Variants in ATP7B observed in about 807,000 individuals in gnomAD.
The protein encoded by ATP7B is copper-transporting ATPase 2.
Under a neutral mutation model 118.9 loss-of-function variants are expected in ATP7B, and 113 were observed. The observed-to-expected ratio is 0.95, with a 90% confidence interval of 0.82 to 1.11. ATP7B has a LOEUF of 1.11. Ranked by LOEUF, ATP7B falls within the 50% of genes most tolerant of loss-of-function variation. The pLI, the probability that ATP7B is intolerant of heterozygous loss-of-function variation, is 0.00. For synonymous variants in ATP7B, 777 were observed against 727.4 expected, an observed-to-expected ratio of 1.07 and a Z score of -1.10; for missense variants, 1,867 against 1,871.4, an observed-to-expected ratio of 1.00 and a Z score of 0.04.
chr13:51,974,501 T>C lies in ATP7B; in HGVS notation c.719A>G (p.Asn240Ser). 1 of 1,614,198 alleles carries C rather than the reference T, an allele frequency of 6.2e-7. No individual in the cohort carries two copies. The highest frequency in any genetic ancestry group is 8.5e-7 in the Non-Finnish European group (1 of 1,180,032). The part of the protein sequence containing the change: ...TNPKRPLSSA[N>S]QNFNNSETLG... Reference sequence around the variant, plus strand: ...GGTCTCAGAATTATTAAAATTCTGGTTAGCAGAAGATAAAGGTCTCTTTGG... The same window carrying C: ...GGTCTCAGAATTATTAAAATTCTGGCTAGCAGAAGATAAAGGTCTCTTTGG... The change falls in exon 2 of 21, where the codon AAC becomes AGC. Residue 240 changes from asparagine to serine, a missense_variant. Asn to Ser is a conservative substitution (Grantham distance 46, BLOSUM62 1). Coordinates refer to ENST00000242839, the MANE Select transcript of ATP7B (RefSeq NM_000053.4).
chr13:51,948,588 C>T (rs1005553299), intron 12 of ATP7B, among the ~76,000 whole-genome samples: 1 of 152,132 alleles, frequency 6.6e-6, no homozygotes, highest in Non-Finnish European at 1.5e-5. Flanking sequence ...ACATTTGGGG[C>T]CAGATAACTC....
At position 51,934,741 on chromosome 13, in the gene ATP7B, G is replaced by GC; in HGVS notation, c.*14dup. On this transcript the variant is annotated 3_prime_UTR_variant, in exon 21 of 21. Transcript: ENST00000242839. ...TGGAGGCAAGTCCCTGCCCCGGCCC[G>GC]CCTGCCTGAAGTCATCAGATGTACT... 1 of 1,612,332 alleles carries GC rather than the reference G, an allele frequency of 6.2e-7. No individual in the cohort carries two copies. Among genetic ancestry groups the GC allele is most frequent in the Non-Finnish European group, 8.5e-7 (1 of 1,180,014 alleles).
intron 1 of ATP7B, among the ~76,000 whole-genome samples, chr13:51,994,143 T>C (rs1231468894): frequency 6.6e-6 from 1 of 152,248 alleles, no homozygotes; most frequent in Non-Finnish European, 1.5e-5. Context: ...TCACCGTATA[T>C]TGTATAAACC....
chr13:51,975,213 T>G (rs1395525570), intron 1 of ATP7B, 45 bp from the exon 2 acceptor site: 1 of 1,602,392 alleles, frequency 6.2e-7, no homozygotes, highest in Non-Finnish European at 8.5e-7. Context: ...AAACCAAATA[T>G]TTTCTACAAC....
intron 1 of ATP7B, among the ~76,000 whole-genome samples, chr13:51,997,539 C>T (rs1032727955): frequency 2.0e-5 from 3 of 152,162 alleles, no homozygotes; most frequent in Non-Finnish European, 2.9e-5. Context: ...ACCCAGAAGA[C>T]AGCCAGAAAA....
Position 52,009,662 on chromosome 13 carries a change from G to A in ATP7B, c.51+1625C>T, listed in dbSNP as rs138650501. On this transcript the variant is annotated intron_variant, in intron 1 of 20. Transcript: ENST00000242839. ...ATTTGTCAGTTGATTTTTCAGTGAC[G>A]CTTCACGGGGCACAAAAGTTTTCCC... Among the ~76,000 whole-genome samples the A allele has an allele frequency of 1.7e-3, 256 of 152,208 alleles. 1 individual carries two copies. Among genetic ancestry groups the A allele is most frequent in the African/African-American group, 5.9e-3 (245 of 41,520 alleles).
chr13:52,002,557 C>CA (rs1953546545), intron 1 of ATP7B, among the ~76,000 whole-genome samples: 1 of 272 alleles, frequency 3.7e-3, no homozygotes. Flanking sequence ...ACCTGTGAAA[C>CA]AAGAGGGGCA....
chr13:51,939,239 C>T, intron 16 of ATP7B, 46 bp from the exon 17 acceptor site: 3 of 1,608,102 alleles, frequency 1.9e-6, no homozygotes, highest in South Asian at 1.1e-5. Context: ...GTTGGGGCAC[C>T]CCGCACCAAG....
chr13:51,972,644 G>A (rs1348612656), intron 2 of ATP7B, among the ~76,000 whole-genome samples: 1 of 152,106 alleles, frequency 6.6e-6, no homozygotes, highest in Admixed American at 6.5e-5. Context: ...CATGGACACT[G>A]TACTGTGACA....
intron 1 of ATP7B, among the ~76,000 whole-genome samples, chr13:51,977,184 T>C (rs1272121781): frequency 6.6e-6 from 1 of 152,006 alleles, no homozygotes; most frequent in African/African-American, 2.4e-5. Flanking sequence ...TAATAATTTA[T>C]TAATTAACCT....
upstream of ATP7B, chr13:52,011,455 T>TCGACG (rs1566688795): frequency 9.0e-6 from 11 of 1,222,776 alleles, no homozygotes; most frequent in East Asian, 1.7e-4. Context: ...TGTGAGGGCA[T>TCGACG]CGGCGCGGCT....
At chr13:51,963,988 T>G (rs1266417161) in intron 5 of ATP7B, among the ~76,000 whole-genome samples, 2 of 151,706 alleles carry the variant, frequency 1.3e-5, no homozygotes, top group African/African-American at 4.8e-5. Flanking sequence ...GAGGCGGAGG[T>G]TGCAGTGAGC....
chr13:51,953,868 A>AAAAAAAAAAAAAAAAC (rs1461098056), intron 9 of ATP7B, among the ~76,000 whole-genome samples: 4 of 148,302 alleles, frequency 2.7e-5, no homozygotes, highest in African/African-American at 7.5e-5. Flanking sequence ...AAAAAAAAAA[A>AAAAAAAAAAAAAAAAC]CCAGAAAATT....
At chr13:52,003,267 G>C (rs753899044) in intron 1 of ATP7B, among the ~76,000 whole-genome samples, 2 of 152,152 alleles carry the variant, frequency 1.3e-5, no homozygotes, top group African/African-American at 2.4e-5. Context: ...TCTTTCACTT[G>C]AACACTTAGA....
intron 1 of ATP7B, among the ~76,000 whole-genome samples, chr13:52,003,524 T>C (rs185106382): frequency 1.3e-5 from 2 of 152,154 alleles, no homozygotes; most frequent in South Asian, 4.1e-4. Context: ...ATCTGAAATA[T>C]TGTGAGAATT....
chr13:51,967,445 A>C (rs1274191494), intron 4 of ATP7B, among the ~76,000 whole-genome samples: 3 of 152,248 alleles, frequency 2.0e-5, no homozygotes, highest in Non-Finnish European at 2.9e-5. Context: ...TAGAAGTCTG[A>C]GCAGGCAGAG....
At chr13:52,000,599 T>TA (rs1953445707) in intron 1 of ATP7B, among the ~76,000 whole-genome samples, 1 of 152,206 alleles carries the variant, frequency 6.6e-6, no homozygotes, top group Non-Finnish European at 1.5e-5. Flanking sequence ...ATCGCAAACT[T>TA]AACTTGTCTA....
intron 12 of ATP7B, 172 bp from the exon 13 acceptor site, chr13:51,946,650 T>C (rs1747481011): frequency 4.1e-6 from 3 of 731,766 alleles, no homozygotes; most frequent in Non-Finnish European, 7.1e-6. Flanking sequence ...ACGTTACTGC[T>C]CTCCACATCC....
At chr13:51,990,293 T>C (rs1357866428) in intron 1 of ATP7B, among the ~76,000 whole-genome samples, 1 of 152,264 alleles carries the variant, frequency 6.6e-6, no homozygotes, top group South Asian at 2.1e-4. Flanking sequence ...TTTTACCATA[T>C]AGATATACAA....
Sources: allele counts gnomAD v4.1 joint callset (sites outside exome capture counted in the v4.1 genomes callset), GRCh38; gene constraint gnomAD v4.1.1; transcripts MANE v1.5; gene names NCBI Gene and HGNC (gene_info 2026-07-23, HGNC 2026-07-21).